ANKRD36: variants seen among roughly 807,000 people sequenced by gnomAD.
The protein encoded by ANKRD36 is ankyrin repeat domain-containing protein 36A.
A neutral mutation model predicts 278.1 loss-of-function variants in ANKRD36; 179 were observed. That is an observed-to-expected ratio of 0.64 (90% CI 0.57 to 0.73). The LOEUF (loss-of-function observed/expected upper bound fraction) is 0.73. Among genes scored for constraint, ANKRD36 ranks in the 30% least tolerant of loss-of-function variants. ANKRD36 has a pLI of 0.00. For synonymous variants in ANKRD36, 320 were observed against 641.1 expected, an observed-to-expected ratio of 0.50 and a Z score of 7.57; for missense variants, 1,159 against 1,956.7, an observed-to-expected ratio of 0.59 and a Z score of 7.69.
At chr2:97,138,685 A>T (rs148086701) in intron 6 of ANKRD36, among the ~76,000 whole-genome samples, 4,322 of 152,172 alleles carry the variant, frequency 0.028, 260 homozygotes, top group African/African-American at 0.098. Context: ...ACTTCAAAAT[A>T]TACTACAAGG....
chr2:97,121,078 A>G (rs1266990849), intron 3 of ANKRD36, among the ~76,000 whole-genome samples: 1 of 151,988 alleles, frequency 6.6e-6, no homozygotes, highest in Non-Finnish European at 1.5e-5. Context: ...TTTATAATAT[A>G]TTTTAGTAAA....
intron 64 of ANKRD36, 23 bp downstream of exon 64, chr2:97,217,395 A>G (rs2066227965): frequency 6.5e-7 from 1 of 1,549,492 alleles, no homozygotes; most frequent in African/African-American, 1.4e-5. Flanking sequence ...TATACATTTA[A>G]TGTCATGTGC....
intron 26 of ANKRD36, among the ~76,000 whole-genome samples, chr2:97,182,983 T>C (rs2056602178): frequency 6.6e-6 from 1 of 151,618 alleles, no homozygotes; most frequent in Non-Finnish European, 1.5e-5. Context: ...TCTACTAAAG[T>C]GTCATTGTCA....
At chr2:97,211,813 A>G in intron 58 of ANKRD36, 72 bp downstream of exon 58, 1 of 1,475,440 alleles carries the variant, frequency 6.8e-7, no homozygotes, top group Non-Finnish European at 9.2e-7. Flanking sequence ...CAAATAAAAC[A>G]GCGGGGGGTT....
chr2:97,199,417 C>T (rs2060681063), intron 44 of ANKRD36, among the ~76,000 whole-genome samples: 1 of 151,840 alleles, frequency 6.6e-6, no homozygotes, highest in Non-Finnish European at 1.5e-5. Flanking sequence ...CAAGGAGCTA[C>T]CTGTTGGATA....
chr2:97,212,667 A>G (rs958823458), intron 58 of ANKRD36: 2 of 154,174 alleles, frequency 1.3e-5, no homozygotes, highest in African/African-American at 4.8e-5. Flanking sequence ...AAACTTATTA[A>G]TATCTAATGC....
chr2:97,158,766 T>C, intron 17 of ANKRD36, 111 bp downstream of exon 17: 2 of 1,142,900 alleles, frequency 1.7e-6, no homozygotes, highest in East Asian at 2.7e-5. Context: ...TAAATTGTTT[T>C]ATTTGGAAAA....
At chr2:97,218,265 A>C (rs1576210929) in intron 64 of ANKRD36, among the ~76,000 whole-genome samples, 2 of 150,376 alleles carry the variant, frequency 1.3e-5, no homozygotes, top group East Asian at 4.1e-4. Context: ...GATTATTTTC[A>C]ATGAATATTA....
intron 56 of ANKRD36, among the ~76,000 whole-genome samples, chr2:97,210,612 T>C (rs554838870): frequency 2.0e-4 from 31 of 151,920 alleles, no homozygotes; most frequent in Non-Finnish European, 3.2e-4. Flanking sequence ...TAAATTTCCT[T>C]CCTTGTTCAA....
intron 54 of ANKRD36, 85 bp from the exon 55 acceptor site, chr2:97,209,596 G>A: frequency 6.4e-7 from 1 of 1,571,254 alleles, no homozygotes; most frequent in Non-Finnish European, 8.6e-7. Flanking sequence ...CAGGAGGACA[G>A]AGGTTGATGC....
intron 6 of ANKRD36, among the ~76,000 whole-genome samples, chr2:97,137,072 T>C (rs923825781): frequency 1.6e-4 from 24 of 152,080 alleles, no homozygotes; most frequent in African/African-American, 5.8e-4. Flanking sequence ...TAACAAATCA[T>C]GAGAGTCTCT....
intron 3 of ANKRD36, 21 bp from the exon 4 acceptor site, chr2:97,122,866 A>G (rs1353098779): frequency 3.3e-6 from 5 of 1,527,268 alleles, no homozygotes; most frequent in Non-Finnish European, 3.5e-6. Context: ...GTGATTATAA[A>G]TTGTTGCTGT....
In ANKRD36 at chr2:97,113,662, G is replaced by A; in HGVS notation, c.-78G>A. 2 of 1,591,200 alleles carry A rather than the reference G, an allele frequency of 1.3e-6. No individual in the cohort carries two copies. The highest frequency in any genetic ancestry group is 2.7e-5 in the African/African-American group (2 of 74,430). Reference sequence around the variant, plus strand: ...GGTCCGTGGACAGACTGCTTTGCTCGTTGTTGCTCTTCGGAGGCGGCGATC... The same window carrying A: ...GGTCCGTGGACAGACTGCTTTGCTCATTGTTGCTCTTCGGAGGCGGCGATC... On this transcript the variant is annotated 5_prime_UTR_variant, in exon 1 of 76. Transcript: ENST00000420699.
intron 42 of ANKRD36, among the ~76,000 whole-genome samples, chr2:97,197,782 G>C (rs2060189802): frequency 6.6e-6 from 1 of 151,870 alleles, no homozygotes; most frequent in Non-Finnish European, 1.5e-5. Flanking sequence ...TTTTTATTGA[G>C]GCTAAGATAC....
intron 38 of ANKRD36, among the ~76,000 whole-genome samples, chr2:97,193,550 A>G (rs2059004831): frequency 6.9e-6 from 1 of 145,384 alleles, no homozygotes; most frequent in Non-Finnish European, 1.5e-5. Flanking sequence ...AGTCATTTAT[A>G]TAATTTTGGG....
intron 1 of ANKRD36, among the ~76,000 whole-genome samples, chr2:97,117,096 G>A (rs2035615390): frequency 1.4e-5 from 2 of 148,084 alleles, no homozygotes; most frequent in Admixed American, 1.4e-4. Flanking sequence ...AGAAAATAGT[G>A]AAAGATAACC....
chr2:97,199,376 C>T (rs2060668341), intron 44 of ANKRD36, among the ~76,000 whole-genome samples: 1 of 151,870 alleles, frequency 6.6e-6, no homozygotes, highest in Non-Finnish European at 1.5e-5. Context: ...ATCAGATAAT[C>T]TTGAATGTGA....
At chr2:97,211,405 TC>T (rs2064545425) in intron 56 of ANKRD36, 140 bp from the exon 57 acceptor site, 2 of 1,337,756 alleles carry the variant, frequency 1.5e-6, no homozygotes, top group African/African-American at 1.5e-5. Context: ...CATGTTCTGG[TC>T]CCCAGACACA....
At chr2:97,166,048 A>T (rs1345897332) in intron 20 of ANKRD36, among the ~76,000 whole-genome samples, 7 of 81,562 alleles carry the variant, frequency 8.6e-5, no homozygotes, top group African/African-American at 2.1e-4. Flanking sequence ...AAAATTTTAG[A>T]GTTCTGTTTA....
Sources: allele counts gnomAD v4.1 joint callset (sites outside exome capture counted in the v4.1 genomes callset), GRCh38; gene constraint gnomAD v4.1.1; transcripts MANE v1.5; gene names NCBI Gene and HGNC (gene_info 2026-07-23, HGNC 2026-07-21).